Variants in PLEKHG6 observed in about 807,000 individuals in gnomAD.
The protein encoded by PLEKHG6 is pleckstrin homology and RhoGEF domain containing G6.
In PLEKHG6, 91 loss-of-function variants were observed where a neutral mutation model predicts 97.5. That is an observed-to-expected ratio of 0.93 (90% CI 0.79 to 1.11). The LOEUF (loss-of-function observed/expected upper bound fraction) is 1.11. Among genes scored for constraint, PLEKHG6 ranks in the 50% most tolerant of loss-of-function variants. PLEKHG6 has a pLI of 0.00. For missense variants in PLEKHG6, 1,044 were observed against 1,031.0 expected, an observed-to-expected ratio of 1.01 and a Z score of -0.17; for synonymous variants, 466 against 425.5, an observed-to-expected ratio of 1.10 and a Z score of -1.17.
rs771424618 is a variant in PLEKHG6, at chr12:6,327,794, C to T, written c.2211C>T (p.Asp737=). 9 of 1,522,248 alleles carry T rather than the reference C, an allele frequency of 5.9e-6. No homozygotes were observed. The Admixed American group carries it at 2.0e-4, about 34-fold the overall frequency. 94.3% of individuals were successfully genotyped at this position (1,522,248 alleles called of 1,614,324 possible). Residue 737 remains aspartate (D), a synonymous_variant, in exon 15 of 16, where the codon GAC becomes GAT. Coordinates refer to ENST00000684764, the MANE Select transcript of PLEKHG6 (RefSeq NM_001384598.1). ...CCCTGCGCCCAATGCGGGCTGAGGA[C>T]ATGCTCAGAGAGATCCGGGAGGAGC... is the stretch of plus-strand genomic sequence containing the variant. The part of the protein sequence containing the change: ...HTSLRPMRAE[D]MLREIREELA...
Position 6,316,051 on chromosome 12 carries a change from C to A in PLEKHG6, c.606+132C>A. 2 of 950,154 alleles carry A rather than the reference C, an allele frequency of 2.1e-6. No individual in the cohort carries two copies. Among genetic ancestry groups the A allele is most frequent in the South Asian group, 1.7e-5 (1 of 59,442 alleles). The allele number at this position is 950,154 out of a possible 1,614,324, so 58.9% of individuals were successfully genotyped here. ...TTGGGATGCCTTGCCCTCCCTACTT[C>A]CCTGTTACTGGGGACTCCAAGCAGG... On this transcript the variant is annotated intron_variant, in intron 6 of 15. Transcript: ENST00000684764. The surrounding 1 kb of genome is among the most constrained non-coding windows in gnomAD (Gnocchi z 4.1).
At chr12:6,313,258 T>C (rs1947335567) in intron 2 of PLEKHG6, 3 of 1,392,156 alleles carry the variant, frequency 2.2e-6, no homozygotes, top group Admixed American at 2.0e-5. Context: ...ACCAGAATGC[T>C]GTGTGCACCA....
intron 8 of PLEKHG6, 57 bp from the exon 9 acceptor site, chr12:6,317,490 C>T (rs1215206795): frequency 6.2e-7 from 1 of 1,612,034 alleles, no homozygotes; most frequent in Admixed American, 1.7e-5. Context: ...AGGCTGAGTT[C>T]ACCACTAGGC....
At chr12:6,312,914 C>A (rs1947323855) in intron 2 of PLEKHG6, 3 of 1,382,106 alleles carry the variant, frequency 2.2e-6, no homozygotes, top group Non-Finnish European at 2.8e-6. Flanking sequence ...GTTTCCCCTC[C>A]ACCTTGAGGA....
Position 6,318,759 on chromosome 12 carries a change from G to C in PLEKHG6, c.1290G>C (p.Leu430=). The change falls in exon 12 of 16, where the codon CTG becomes CTC. Residue 430 remains leucine, a synonymous_variant. Transcript: ENST00000684764. ...CCCACCCCCAGCTGGACGTGTACCT[G>C]TTCCTCTTCTCTGATGTGCTCCTTG... ...EGREGKLDVY[L]FLFSDVLLVT... 6.2e-7 allele frequency: 1 copy of C among 1,613,856 alleles called. No homozygotes were observed. The highest frequency in any genetic ancestry group is 8.5e-7 in the Non-Finnish European group (1 of 1,179,942).
Position 6,318,802 on chromosome 12 carries a change from A to G in PLEKHG6, c.1333A>G (p.Lys445Glu). Residue 445 changes from lysine to glutamate, a missense_variant, in exon 12 of 16, where the codon AAG becomes GAG. Lys to Glu is a moderately conservative substitution (Grantham distance 56). Coordinates refer to ENST00000684764, the MANE Select transcript of PLEKHG6 (RefSeq NM_001384598.1). Reference sequence around the variant, plus strand: ...GCTCCTTGTGACCAAGCCCCAGCGCAAGGCGGACAAAGCCAAGGTCATCCG... The same window carrying G: ...GCTCCTTGTGACCAAGCCCCAGCGCGAGGCGGACAAAGCCAAGGTCATCCG... ...DVLLVTKPQR[K>E]ADKAKVIRPP... 2 of 1,614,026 alleles carry G rather than the reference A, an allele frequency of 1.2e-6. No homozygotes were observed. The highest frequency in any genetic ancestry group is 1.7e-6 in the Non-Finnish European group (2 of 1,179,992).
Position 6,328,383 on chromosome 12 carries a change from G to C in PLEKHG6, c.*238G>C, listed in dbSNP as rs1947950132. ...AAAAATGACTGCCCTGGCTGGGCAT[G>C]GCTGCCTGTAATCCCAGCACTTTGG... On this transcript the variant is annotated 3_prime_UTR_variant, in exon 16 of 16. Coordinates refer to ENST00000684764, the MANE Select transcript of PLEKHG6 (RefSeq NM_001384598.1). 9.9e-6 allele frequency: 5 copies of C among 506,740 alleles called. No homozygotes were observed. Among genetic ancestry groups the C allele is most frequent in the African/African-American group, 1.9e-5 (1 of 51,338 alleles). 31.4% of individuals were successfully genotyped at this position (506,740 alleles called of 1,614,324 possible).
intron 12 of PLEKHG6, 45 bp downstream of exon 12, chr12:6,318,922 C>G: frequency 1.2e-6 from 2 of 1,612,744 alleles, no homozygotes; most frequent in Non-Finnish European, 1.7e-6. Flanking sequence ...CTCTTCTCAG[C>G]GAGGGGAAGG....
chr12:6,312,098 C>T, intron 1 of PLEKHG6, 61 bp from the exon 2 acceptor site: 1 of 778,990 alleles, frequency 1.3e-6, no homozygotes, highest in Non-Finnish European at 1.9e-6. Context: ...GCCTTGGTCT[C>T]CCGCCTGGTG....
chr12:6,318,136 G>C, intron 10 of PLEKHG6, 142 bp downstream of exon 10: 1 of 1,367,324 alleles, frequency 7.3e-7, no homozygotes, highest in South Asian at 1.4e-5. Context: ...CAGTCCAAGG[G>C]GTACAGGTCA....
intron 13 of PLEKHG6, among the ~76,000 whole-genome samples, chr12:6,325,954 G>A (rs1473377282): frequency 6.6e-6 from 1 of 152,158 alleles, no homozygotes; most frequent in East Asian, 1.9e-4. Context: ...GAGTCTCCAT[G>A]TCTCAGTAGT....
intron 11 of PLEKHG6, 112 bp from the exon 12 acceptor site, chr12:6,318,633 G>A: frequency 1.5e-6 from 2 of 1,291,574 alleles, no homozygotes; most frequent in Non-Finnish European, 2.2e-6. Flanking sequence ...CCGCATTTGG[G>A]CTCTGCGTGT....
upstream of PLEKHG6, chr12:6,310,507 CG>C (rs1208446499): frequency 3.3e-5 from 5 of 152,198 alleles, no homozygotes; most frequent in African/African-American, 1.2e-4. Flanking sequence ...CGGCGGGTGT[CG>C]AGTTCAGGTG....
At chr12:6,325,073 G>A (rs886421370) in intron 13 of PLEKHG6, among the ~76,000 whole-genome samples, 2 of 152,122 alleles carry the variant, frequency 1.3e-5, no homozygotes, top group Non-Finnish European at 2.9e-5. Context: ...ATACCAGCAA[G>A]TCCTGATATC....
chr12:6,325,524 T>C (rs1947832497), intron 13 of PLEKHG6, among the ~76,000 whole-genome samples: 2 of 152,184 alleles, frequency 1.3e-5, no homozygotes, highest in Non-Finnish European at 2.9e-5. Context: ...GCAGATAATA[T>C]AATGCGTCCT....
chr12:6,319,142 A>T lies in PLEKHG6; in HGVS notation c.1524+34A>T, dbSNP rs745407477. The T allele has an allele frequency of 2.1e-6, 3 of 1,454,724 alleles. No homozygotes were observed. The East Asian group carries it at 7.1e-5, about 34-fold the overall frequency. 90.1% of individuals were successfully genotyped at this position (1,454,724 alleles called of 1,614,324 possible). A position where few individuals can be genotyped will look rare whatever the true frequency, so the allele number is the denominator to read the frequency against. On this transcript the variant is annotated intron_variant, in intron 13 of 15. Coordinates refer to ENST00000684764, the MANE Select transcript of PLEKHG6 (RefSeq NM_001384598.1). ...AAGCCAGCAACGGGGAGGCATGGGC[A>T]GGGGTCCCCGGAGCTCAGAAATGGG... is the stretch of plus-strand genomic sequence containing the variant.
At position 6,328,389 on chromosome 12, in the gene PLEKHG6, C is replaced by G; in HGVS notation, c.*244C>G. 1 of 495,318 alleles carries G rather than the reference C, an allele frequency of 2.0e-6. No homozygotes were observed. 30.7% of individuals were successfully genotyped at this position (495,318 alleles called of 1,614,324 possible). ...GACTGCCCTGGCTGGGCATGGCTGC[C>G]TGTAATCCCAGCACTTTGGGAGGCT... On this transcript the variant is annotated 3_prime_UTR_variant, in exon 16 of 16. Coordinates refer to ENST00000684764, the MANE Select transcript of PLEKHG6 (RefSeq NM_001384598.1).
chr12:6,325,506 G>A (rs1208055019), intron 13 of PLEKHG6, among the ~76,000 whole-genome samples: 2 of 152,158 alleles, frequency 1.3e-5, no homozygotes, highest in Non-Finnish European at 2.9e-5. Context: ...CGCTGAGGGA[G>A]GGAGAAGGCA....
chr12:6,315,787 G>A lies in PLEKHG6; in HGVS notation c.556-82G>A. ...TGGGATGCAGGGAGATAGGTCAGCAGTACTGAAGTTGGTGGGGGGTGGGAG... is the reference window on the plus strand; with the variant it reads ...TGGGATGCAGGGAGATAGGTCAGCAATACTGAAGTTGGTGGGGGGTGGGAG... On this transcript the variant is annotated intron_variant, in intron 5 of 15. Coordinates refer to ENST00000684764, the MANE Select transcript of PLEKHG6 (RefSeq NM_001384598.1). The surrounding 1 kb of genome is among the most constrained non-coding windows in gnomAD (Gnocchi z 4.5). 2 of 1,316,514 alleles carry A rather than the reference G, an allele frequency of 1.5e-6. No individual in the cohort carries two copies. The highest frequency in any genetic ancestry group is 1.4e-5 in the South Asian group (1 of 73,992). 81.6% of individuals were successfully genotyped at this position (1,316,514 alleles called of 1,614,324 possible).
Sources: gnomAD v4.1 joint callset for allele counts (sites outside exome capture counted in the v4.1 genomes callset) on GRCh38, gnomAD v4.1.1 for gene constraint, Gnocchi (gnomAD v3.1) non-coding constraint, MANE v1.5 for transcripts, NCBI Gene and HGNC (gene_info 2026-07-23, HGNC 2026-07-21) for gene names.